TRAK1: variants seen among roughly 807,000 people sequenced by gnomAD.
TRAK1 encodes the protein trafficking kinesin-binding protein 1.
Under a neutral mutation model 92.1 loss-of-function variants are expected in TRAK1, and 33 were observed. The ratio of observed to expected loss-of-function variants is 0.36; its 90% CI spans 0.27 to 0.48. TRAK1 has a LOEUF of 0.48. Among genes scored for constraint, TRAK1 ranks in the 20% least tolerant of loss-of-function variants. The pLI, the probability that TRAK1 is intolerant of heterozygous loss-of-function variation, is 0.99. For synonymous variants in TRAK1, 521 were observed against 517.3 expected, an observed-to-expected ratio of 1.01 and a Z score of -0.10; for missense variants, 1,123 against 1,257.9, an observed-to-expected ratio of 0.89 and a Z score of 1.62.
chr3:42,080,189 G>A (rs117989221), intron 1 of TRAK1, among the ~76,000 whole-genome samples: 4 of 152,278 alleles, frequency 2.6e-5, no homozygotes, highest in East Asian at 3.9e-4. Flanking sequence ...ACTTGCACAC[G>A]TGTATTTTGT....
chr3:42,100,833 A>AT (rs11379583), intron 1 of TRAK1, among the ~76,000 whole-genome samples: 6,619 of 152,078 alleles, frequency 0.044, 487 homozygotes, highest in African/African-American at 0.15. Context: ...CACCTGGCTA[A>AT]TTTTTTTGTA....
chr3:42,113,046 C>T (rs912368092), intron 1 of TRAK1, among the ~76,000 whole-genome samples: 16 of 152,106 alleles, frequency 1.1e-4, no homozygotes, highest in Non-Finnish European at 1.9e-4. Flanking sequence ...GCTGGGATTA[C>T]AGGCATGGGC....
In TRAK1 at chr3:42,110,105, T is replaced by TATATATATATATATAC. The variant is rs1235639270; in HGVS notation, c.92-15300_92-15299insCATATATATATATATA. 4.6e-5 allele frequency among the ~76,000 whole-genome samples: 4 copies of TATATATATATATATAC among 86,030 alleles called. 1 individual carries two copies. In the Admixed American group the frequency reaches 6.1e-4, roughly 13 times the overall value. The allele number at this position is 86,030 out of a possible 152,430, so 56.4% of individuals were successfully genotyped here. A position where few individuals can be genotyped will look rare whatever the true frequency, so the allele number is the denominator to read the frequency against. ...CCCTAGAACTTAAAGTATATATATATATATATATATATATATATATATATA... is the reference window on the plus strand; with the variant it reads ...CCCTAGAACTTAAAGTATATATATATATATATATATATATACATATATATATATATATATATATATA... On this transcript the variant is annotated intron_variant, in intron 1 of 15. Coordinates refer to ENST00000327628, the MANE Select transcript of TRAK1 (RefSeq NM_001042646.3).
At chr3:42,094,983 G>A (rs913882648) in intron 1 of TRAK1, among the ~76,000 whole-genome samples, 5 of 152,148 alleles carry the variant, frequency 3.3e-5, no homozygotes, top group African/African-American at 1.2e-4. Context: ...GACTGGATGA[G>A]GTCCACTTCA....
chr3:42,164,650 C>T (rs1445327154), intron 2 of TRAK1, among the ~76,000 whole-genome samples: 1 of 152,202 alleles, frequency 6.6e-6, no homozygotes, highest in Non-Finnish European at 1.5e-5. Context: ...GGAGACCAGG[C>T]AGCAGGAGAG....
intron 2 of TRAK1, among the ~76,000 whole-genome samples, chr3:42,158,856 G>T (rs1700883825): frequency 6.7e-6 from 1 of 150,090 alleles, no homozygotes; most frequent in South Asian, 2.1e-4. Context: ...CTACTCGGGA[G>T]ACTGAGGCAG....
At chr3:42,066,620 T>C (rs1703693731) in intron 1 of TRAK1, among the ~76,000 whole-genome samples, 1 of 152,160 alleles carries the variant, frequency 6.6e-6, no homozygotes, top group Non-Finnish European at 1.5e-5. Context: ...CAGTCCTCCC[T>C]GCCTACCATG....
intron 10 of TRAK1, among the ~76,000 whole-genome samples, chr3:42,198,708 G>T (rs1484631877): frequency 1.3e-5 from 2 of 152,146 alleles, no homozygotes; most frequent in East Asian, 1.9e-4. Flanking sequence ...CACAGAGGGG[G>T]TGTGACAGAC....
chr3:42,039,221 G>A (rs1409626987), intron 1 of TRAK1, among the ~76,000 whole-genome samples: 1 of 152,110 alleles, frequency 6.6e-6, no homozygotes, highest in East Asian at 1.9e-4. Flanking sequence ...ACTTGGCATA[G>A]TGTTTTTAAG....
At chr3:42,211,415 G>T in intron 14 of TRAK1, 1 of 985,272 alleles carries the variant, frequency 1.0e-6, no homozygotes, top group Middle Eastern at 5.2e-4. Flanking sequence ...GTGAGGGAAT[G>T]AAAATGTTTT....
At position 42,136,339 on chromosome 3, in the gene TRAK1, A is replaced by T. The variant is rs564288695; in HGVS notation, c.286+10725A>T. On this transcript the variant is annotated intron_variant, in intron 2 of 15. Coordinates refer to ENST00000327628, the MANE Select transcript of TRAK1 (RefSeq NM_001042646.3). ...TGATCTTTAAAAGAAGTTAGATTTTAAAAATAATATTTTTGTGGCTCACAC... is the reference window on the plus strand; with the variant it reads ...TGATCTTTAAAAGAAGTTAGATTTTTAAAATAATATTTTTGTGGCTCACAC... 3.9e-5 allele frequency among the ~76,000 whole-genome samples: 6 copies of T among 152,272 alleles called. No homozygotes were observed. In the East Asian group the frequency reaches 7.7e-4, roughly 20 times the overall value.
At chr3:42,075,680 A>G (rs1228426272) in intron 1 of TRAK1, among the ~76,000 whole-genome samples, 1 of 152,142 alleles carries the variant, frequency 6.6e-6, no homozygotes, top group African/African-American at 2.4e-5. Flanking sequence ...TTTAATAGCC[A>G]TTCTGACTAG....
At chr3:42,030,297 G>T (rs1702073797) in intron 1 of TRAK1, among the ~76,000 whole-genome samples, 1 of 150,970 alleles carries the variant, frequency 6.6e-6, no homozygotes, top group African/African-American at 2.4e-5. Context: ...AGGAGCGCAA[G>T]GCAGCAGTAA....
chr3:42,150,757 A>G (rs191362410), intron 2 of TRAK1, among the ~76,000 whole-genome samples: 78 of 152,246 alleles, frequency 5.1e-4, no homozygotes, highest in African/African-American at 1.8e-3. Flanking sequence ...TGGAAAAACT[A>G]TGCCAGTTCA....
At chr3:42,217,278 T>C (rs1490917118) in intron 14 of TRAK1, 1 of 985,210 alleles carries the variant, frequency 1.0e-6, no homozygotes, top group Non-Finnish European at 1.2e-6. Context: ...CAGTCAGTGG[T>C]GACATGCGGA....
chr3:42,191,659 TCTTA>T (rs1307930332), intron 7 of TRAK1, 23 bp downstream of exon 7: 1 of 1,579,098 alleles, frequency 6.3e-7, no homozygotes, highest in Non-Finnish European at 8.6e-7. Context: ...ACTGCTGTCT[TCTTA>T]CTTCCTTGCA....
chr3:42,205,491 G>A (rs1456249634), intron 13 of TRAK1, among the ~76,000 whole-genome samples: 4 of 152,184 alleles, frequency 2.6e-5, no homozygotes, highest in Non-Finnish European at 4.4e-5. Flanking sequence ...GCACTTTCTT[G>A]TCTCTTCATC....
intron 1 of TRAK1, among the ~76,000 whole-genome samples, chr3:42,055,374 G>A (rs1703159048): frequency 6.6e-6 from 1 of 152,156 alleles, no homozygotes; most frequent in African/African-American, 2.4e-5. Context: ...GCTTTATTGA[G>A]ATATGATTAA....
chr3:42,161,124 G>A (rs1372745305), intron 2 of TRAK1, among the ~76,000 whole-genome samples: 1 of 152,164 alleles, frequency 6.6e-6, no homozygotes, highest in African/African-American at 2.4e-5. Flanking sequence ...CCCACTGCCG[G>A]CTCTCTTAAA....
Sources: allele counts gnomAD v4.1 joint callset (sites outside exome capture counted in the v4.1 genomes callset), GRCh38; gene constraint gnomAD v4.1.1; transcripts MANE v1.5; gene names NCBI Gene and HGNC (gene_info 2026-07-23, HGNC 2026-07-21).